Variants in FBXW2 observed in about 807,000 individuals in gnomAD.
The protein encoded by FBXW2 is F-box and WD repeat domain containing 2, also known as F-box/WD repeat-containing protein 2.
In FBXW2, 12 loss-of-function variants were observed where a neutral mutation model predicts 46.0. The ratio of observed to expected loss-of-function variants is 0.26; its 90% confidence interval spans 0.17 to 0.42. The LOEUF (loss-of-function observed/expected upper bound fraction) is 0.42. FBXW2 is among the 10% of genes least tolerant of loss of function. The pLI is 1.00. For synonymous variants in FBXW2, 203 were observed against 209.6 expected (o/e 0.97, Z 0.27); for missense variants, 360 against 537.0 (o/e 0.67, Z 3.26).
chr9:120,786,184 G>A (rs1232218489), intron 3 of FBXW2, among the ~76,000 whole-genome samples: 1 of 152,164 alleles, frequency 6.6e-6, no homozygotes, highest in Admixed American at 6.5e-5. Flanking sequence ...ATATGGTTAA[G>A]CTTTGTGTCC....
intron 5 of FBXW2, among the ~76,000 whole-genome samples, chr9:120,773,892 T>C (rs957066678): frequency 6.6e-6 from 1 of 152,160 alleles, no homozygotes; most frequent in Non-Finnish European, 1.5e-5. Flanking sequence ...AGCTTTTCCA[T>C]GTAAAAAGTT....
intron 3 of FBXW2, among the ~76,000 whole-genome samples, chr9:120,786,665 A>C (rs2131368802): frequency 6.6e-6 from 1 of 152,316 alleles, no homozygotes; most frequent in South Asian, 2.1e-4. Context: ...CTTGGATGAA[A>C]AAGAACACCA....
chr9:120,788,049 T>C lies in FBXW2; in HGVS notation c.210A>G (p.Lys70=). ...TGAGTAAAGTCTGAGGATCGAGCCA[T>C]TTTAACAAATAAAAACTGAGCTCCA... ...LPLELSFYLL[K]WLDPQTLLTC... The change falls in exon 3 of 8, where the codon AAA becomes AAG. Residue 70 remains lysine (K), a synonymous_variant. Coordinates refer to ENST00000608872, the MANE Select transcript of FBXW2 (RefSeq NM_012164.4). 1 of 1,614,184 alleles carries C rather than the reference T, an allele frequency of 6.2e-7. No homozygotes were observed. The highest frequency in any genetic ancestry group is 8.5e-7 in the Non-Finnish European group (1 of 1,180,030).
chr9:120,792,902 A>G (rs1234915087), intron 2 of FBXW2: 1 of 1,524,016 alleles, frequency 6.6e-7, no homozygotes, highest in Non-Finnish European at 8.8e-7. Flanking sequence ...TTCATGGCAT[A>G]CCCACAATTA....
chr9:120,775,951 C>T (rs1261532732), intron 5 of FBXW2, 142 bp downstream of exon 5: 2 of 934,396 alleles, frequency 2.1e-6, no homozygotes, highest in Non-Finnish European at 3.2e-6. Context: ...ACTTGCTGGT[C>T]ACTGTTGTGT....
chr9:120,787,701 G>A (rs1281264838), intron 3 of FBXW2, 68 bp downstream of exon 3: 2 of 1,486,566 alleles, frequency 1.3e-6, no homozygotes, highest in Admixed American at 4.3e-5. Flanking sequence ...CAAAGCTCAA[G>A]ACTGGTTCAA....
At chr9:120,792,889 G>A (rs1427621241) in intron 2 of FBXW2, 1 of 1,519,384 alleles carries the variant, frequency 6.6e-7, no homozygotes, top group East Asian at 2.5e-5. Context: ...ATACACACCT[G>A]TTTTCATGGC....
chr9:120,767,401 T>C (rs1178025467), intron 7 of FBXW2, among the ~76,000 whole-genome samples: 1 of 152,186 alleles, frequency 6.6e-6, no homozygotes, highest in Non-Finnish European at 1.5e-5. Context: ...CCAAAATCAA[T>C]CACTGAACAC....
chr9:120,768,547 C>G (rs925831792), intron 7 of FBXW2, among the ~76,000 whole-genome samples: 3 of 152,120 alleles, frequency 2.0e-5, no homozygotes, highest in African/African-American at 7.2e-5. Context: ...GGCTAGGAAG[C>G]CGGGTGCGGT....
At chr9:120,789,571 T>A (rs1419927874) in intron 2 of FBXW2, among the ~76,000 whole-genome samples, 2 of 152,212 alleles carry the variant, frequency 1.3e-5, no homozygotes, top group African/African-American at 4.8e-5. Context: ...AATATTTCCA[T>A]GGTTTAATAA....
chr9:120,781,148 G>A (rs2044603586), intron 3 of FBXW2, among the ~76,000 whole-genome samples: 1 of 152,046 alleles, frequency 6.6e-6, no homozygotes, highest in South Asian at 2.1e-4. Flanking sequence ...TTCTGTAAAG[G>A]GCCTGATAGT....
chr9:120,771,032 T>A (rs1020235875), intron 7 of FBXW2, among the ~76,000 whole-genome samples: 1 of 152,218 alleles, frequency 6.6e-6, no homozygotes, highest in Non-Finnish European at 1.5e-5. Flanking sequence ...TATTAGAACT[T>A]ATGGAGATCT....
chr9:120,776,058 C>T (rs1316711909), intron 5 of FBXW2, 35 bp downstream of exon 5: 2 of 1,610,454 alleles, frequency 1.2e-6, no homozygotes, highest in African/African-American at 1.3e-5. Context: ...CTCAAAAAGC[C>T]TGATAAGCAG....
chr9:120,759,135 G>T lies in FBXW2; in HGVS notation c.*5424C>A, dbSNP rs2044159909. 1 of 152,168 alleles carries T rather than the reference G, an allele frequency of 6.6e-6. No individual in the cohort carries two copies. The highest frequency in any genetic ancestry group is 1.5e-5 in the Non-Finnish European group (1 of 68,022). 9.4% of individuals were successfully genotyped at this position (152,168 alleles called of 1,614,324 possible). The stretch of plus-strand genomic sequence containing the variant: ...CTGACTTTTGAAAAGTCCCTGCATT[G>T]GTTGGATAAAATGTCTGAAGTGGTT... On this transcript the variant is annotated 3_prime_UTR_variant, in exon 8 of 8. Transcript: ENST00000608872.
intron 3 of FBXW2, among the ~76,000 whole-genome samples, chr9:120,779,639 G>A (rs139374273): frequency 4.6e-5 from 7 of 152,330 alleles, no homozygotes; most frequent in African/African-American, 1.7e-4. Context: ...CAATGGCCAT[G>A]TGATACAACT....
chr9:120,791,917 C>A (rs1326667085), intron 2 of FBXW2, among the ~76,000 whole-genome samples: 2 of 152,140 alleles, frequency 1.3e-5, no homozygotes, highest in Non-Finnish European at 2.9e-5. Context: ...AACAAAAAGA[C>A]TCCTAAATTG....
intron 3 of FBXW2, among the ~76,000 whole-genome samples, chr9:120,786,177 T>C (rs80296605): frequency 0.022 from 3,398 of 152,292 alleles, 133 homozygotes; most frequent in African/African-American, 0.079. Flanking sequence ...TGCATTGATA[T>C]GGTTAAGCTT....
At chr9:120,766,411 T>C (rs2044275928) in intron 7 of FBXW2, among the ~76,000 whole-genome samples, 1 of 152,078 alleles carries the variant, frequency 6.6e-6, no homozygotes, top group African/African-American at 2.4e-5. Context: ...TATCAAGCAT[T>C]TACATGTGCA....
intron 5 of FBXW2, among the ~76,000 whole-genome samples, chr9:120,773,848 A>G (rs2044431750): frequency 6.6e-6 from 1 of 152,178 alleles, no homozygotes; most frequent in South Asian, 2.1e-4. Context: ...CCAATCAACT[A>G]TTTTCCACAA....
Sources: gnomAD v4.1 joint callset for allele counts (sites outside exome capture counted in the v4.1 genomes callset) on GRCh38, gnomAD v4.1.1 for gene constraint, MANE v1.5 for transcripts, NCBI Gene and HGNC (gene_info 2026-07-23, HGNC 2026-07-21) for gene names.